GPC3: variants seen among roughly 807,000 people sequenced by gnomAD.
GPC3 encodes glypican 3.
A neutral mutation model predicts 34.4 loss-of-function variants in GPC3; 3 were observed. That is an observed-to-expected ratio of 0.09 (90% confidence interval 0.04 to 0.23). GPC3 has a LOEUF of 0.23. Ranked by LOEUF, GPC3 falls within the 10% of genes least tolerant of loss-of-function variation. The probability of loss-of-function intolerance (pLI) is 1.00; values close to 1 mark genes in which losing one functional copy is unlikely to be tolerated. For missense variants in GPC3, 351 were observed against 445.6 expected, an observed-to-expected ratio of 0.79 and a Z score of 1.91; for synonymous variants, 177 against 174.0, an observed-to-expected ratio of 1.02 and a Z score of -0.13.
chrX:133,900,243 A>C lies in GPC3; in HGVS notation c.337+52807T>G, dbSNP rs188461880. On this transcript the variant is annotated intron_variant, in intron 2 of 7. Transcript: ENST00000370818. ...GATCCCTTTGTTTTTTGGCACAGGG[A>C]AACTTCAATATTTGAATGTTAAATG... Among the ~76,000 whole-genome samples, 353 of 112,862 alleles carry C rather than the reference A, an allele frequency of 3.1e-3. 2 individuals carry two copies. The highest frequency in any genetic ancestry group is 5.7e-3 in the Non-Finnish European group (302 of 53,363).
rs1017690897 is a variant in GPC3 at position 133,856,061 on chromosome X, T to C, written c.337+96989A>G. On this transcript the variant is annotated intron_variant, in intron 2 of 7. Transcript: ENST00000370818. ...TATTTCCATATCTTGGCTATTGTGA[T>C]AATATTTCAATGAACATGAGAGTGC... Among the ~76,000 whole-genome samples, 13 of 112,306 alleles carry C rather than the reference T, an allele frequency of 1.2e-4. No individual in the cohort carries two copies. The South Asian group carries it at 4.5e-3, about 39-fold the overall frequency.
chrX:133,974,634 G>A (rs2076507733), intron 1 of GPC3, among the ~76,000 whole-genome samples: 1 of 110,659 alleles, frequency 9.0e-6, no homozygotes, highest in Admixed American at 9.6e-5. Context: ...CATGCCACAT[G>A]CAAAAGCCTG....
At chrX:133,910,388 C>T (rs1432393050) in intron 2 of GPC3, among the ~76,000 whole-genome samples, 5 of 111,338 alleles carry the variant, frequency 4.5e-5, no homozygotes, top group Non-Finnish European at 9.4e-5. Context: ...GTCAAAACAT[C>T]ATATAACCAT....
chrX:133,576,428 C>A (rs183623120), intron 7 of GPC3, among the ~76,000 whole-genome samples: 2 of 110,494 alleles, frequency 1.8e-5, no homozygotes, highest in African/African-American at 6.6e-5. Flanking sequence ...TTAGCAGAGA[C>A]GGGGTTTCAC....
intron 3 of GPC3, among the ~76,000 whole-genome samples, chrX:133,712,868 G>C (rs988852704): frequency 1.5e-4 from 17 of 111,061 alleles, no homozygotes; most frequent in African/African-American, 5.2e-4. Flanking sequence ...CTGGGGAAAA[G>C]AGCGAGACTC....
Position 133,538,732 on chromosome X carries a change from G to A in GPC3, c.1574-2439C>T, listed in dbSNP as rs140940847. On this transcript the variant is annotated intron_variant, in intron 7 of 7. Transcript: ENST00000370818. ...CGCCCAGGCTGCAGTATAGTGGTGC[G>A]ATCATGGCTCAATGCAGCCTCGATT... 1.9e-3 allele frequency among the ~76,000 whole-genome samples: 190 copies of A among 102,515 alleles called. 1 individual carries two copies. Among genetic ancestry groups the A allele is most frequent in the African/African-American group, 6.5e-3 (182 of 27,872 alleles). The allele number at this position is 102,515 out of a possible 115,157, so 89.0% of individuals were successfully genotyped here.
intron 7 of GPC3, among the ~76,000 whole-genome samples, chrX:133,545,381 T>C (rs2069374945): frequency 1.8e-5 from 2 of 111,638 alleles, no homozygotes; most frequent in African/African-American, 3.3e-5. Context: ...GTGGCCATGG[T>C]GCCTGCCTGT....
intron 2 of GPC3, among the ~76,000 whole-genome samples, chrX:133,860,277 GT>G (rs955113747): frequency 1.8e-5 from 2 of 111,076 alleles, no homozygotes; most frequent in Non-Finnish European, 3.8e-5. Context: ...TATTAGTACC[GT>G]TTTTTTCCCC....
intron 6 of GPC3, among the ~76,000 whole-genome samples, chrX:133,650,262 T>A (rs1380346409): frequency 9.0e-6 from 1 of 110,987 alleles, no homozygotes; most frequent in Admixed American, 9.7e-5. Flanking sequence ...CTCTGAAGTC[T>A]CTCCACTTGA....
chrX:133,901,744 T>C (rs1260434446), intron 2 of GPC3, among the ~76,000 whole-genome samples: 1 of 112,232 alleles, frequency 8.9e-6, no homozygotes, highest in Non-Finnish European at 1.9e-5. Context: ...TGGCAATCTC[T>C]GGATATTTTT....
chrX:133,593,215 C>T (rs947250336), intron 7 of GPC3, among the ~76,000 whole-genome samples: 1 of 106,336 alleles, frequency 9.4e-6, no homozygotes, highest in Admixed American at 1.0e-4. Flanking sequence ...GTAATCCCAG[C>T]TACTCAGGAG....
intron 2 of GPC3, among the ~76,000 whole-genome samples, chrX:133,916,108 G>A (rs2076223349): frequency 1.0e-5 from 1 of 99,139 alleles, no homozygotes; most frequent in Non-Finnish European, 2.0e-5. Flanking sequence ...TCACACCACT[G>A]CACCCCAGCC....
intron 3 of GPC3, among the ~76,000 whole-genome samples, chrX:133,739,993 C>T (rs911283502): frequency 2.7e-5 from 3 of 112,241 alleles, no homozygotes; most frequent in East Asian, 2.8e-4. Context: ...AATGCCAAGC[C>T]GATCCATTCC....
chrX:133,728,357 A>AAGC (rs1556288931), intron 3 of GPC3, among the ~76,000 whole-genome samples: 2 of 108,891 alleles, frequency 1.8e-5, no homozygotes, highest in Non-Finnish European at 3.8e-5. Flanking sequence ...GAGAAGGAGA[A>AAGC]AGGAGGAGGG....
At chrX:133,719,791 G>A (rs2071346036) in intron 3 of GPC3, among the ~76,000 whole-genome samples, 1 of 111,761 alleles carries the variant, frequency 8.9e-6, no homozygotes, top group Non-Finnish European at 1.9e-5. Context: ...CCACAGAGTG[G>A]GAGAAAATAT....
intron 2 of GPC3, among the ~76,000 whole-genome samples, chrX:133,804,914 T>C (rs762622689): frequency 5.0e-4 from 56 of 111,529 alleles, no homozygotes; most frequent in Non-Finnish European, 3.0e-4. Context: ...ATCTAATAGG[T>C]ATACTATATT....
intron 2 of GPC3, among the ~76,000 whole-genome samples, chrX:133,852,963 T>C (rs1279385143): frequency 1.0e-5 from 1 of 97,115 alleles, no homozygotes; most frequent in East Asian, 3.1e-4. Context: ...TTTGGTTAAT[T>C]TGACGTGCAA....
chrX:133,853,213 G>C (rs2075883478), intron 2 of GPC3, among the ~76,000 whole-genome samples: 1 of 111,493 alleles, frequency 9.0e-6, no homozygotes, highest in Non-Finnish European at 1.9e-5. Context: ...ACTACACAAA[G>C]AATTACTGTG....
intron 3 of GPC3, among the ~76,000 whole-genome samples, chrX:133,746,897 T>C (rs753736464): frequency 8.9e-6 from 1 of 111,833 alleles, no homozygotes; most frequent in East Asian, 2.8e-4. Flanking sequence ...ACCTCAGCCT[T>C]CAACAGTGGA....
Sources: gnomAD v4.1 joint callset for allele counts (sites outside exome capture counted in the v4.1 genomes callset) on GRCh38, gnomAD v4.1.1 for gene constraint, MANE v1.5 for transcripts, NCBI Gene and HGNC (gene_info 2026-07-23, HGNC 2026-07-21) for gene names.